Variants in STAT4 observed in about 807,000 individuals in gnomAD.
The protein encoded by STAT4 is signal transducer and activator of transcription 4.
Under a neutral mutation model 110.5 loss-of-function variants are expected in STAT4, and 42 were observed. The ratio of observed to expected loss-of-function variants is 0.38; its 90% confidence interval spans 0.30 to 0.49. STAT4 has a LOEUF of 0.49. Among genes scored for constraint, STAT4 ranks in the 20% least tolerant of loss-of-function variants. STAT4 has a pLI of 0.95. For missense variants in STAT4, 632 were observed against 887.9 expected (o/e 0.71, Z 3.66); for synonymous variants, 284 against 302.2 (o/e 0.94, Z 0.63).
rs1338390864 is a variant in STAT4 at position 191,142,230 on chromosome 2, C to T, written c.273+4383G>A. On this transcript the variant is annotated intron_variant, in intron 3 of 23. Transcript: ENST00000392320. This position sits in a 1 kb window ranked among gnomAD's most constrained non-coding sequence, Gnocchi z 4.1. Reference sequence around the variant, plus strand: ...TAAAGAAAATAGATATATATATATACACACACACACACATGCATACACACA... The same window carrying T: ...TAAAGAAAATAGATATATATATATATACACACACACACATGCATACACACA... Among the ~76,000 whole-genome samples, 1 of 151,904 alleles carries T rather than the reference C, an allele frequency of 6.6e-6. No individual in the cohort carries two copies. Among genetic ancestry groups the T allele is most frequent in the Non-Finnish European group, 1.5e-5 (1 of 67,980 alleles).
chr2:191,054,147 AG>A (rs1271055067), intron 14 of STAT4, among the ~76,000 whole-genome samples: 3 of 132,780 alleles, frequency 2.3e-5, no homozygotes, highest in African/African-American at 8.9e-5. Context: ...AAAAAAAGAA[AG>A]AAAAAAAAGA....
rs1236299507 is a variant in STAT4, at chr2:191,138,465, T to C, written c.273+8148A>G. On this transcript the variant is annotated intron_variant, in intron 3 of 23. Transcript: ENST00000392320. This position sits in a 1 kb window ranked among gnomAD's most constrained non-coding sequence, Gnocchi z 4.3. Reference sequence around the variant, plus strand: ...AGAAATACAAAAGATTAGCTAAGGCTATTATGAACACTTTTATGTGCACAA... The same window carrying C: ...AGAAATACAAAAGATTAGCTAAGGCCATTATGAACACTTTTATGTGCACAA... 6.6e-6 allele frequency among the ~76,000 whole-genome samples: 1 copy of C among 152,158 alleles called. No homozygotes were observed. The highest frequency in any genetic ancestry group is 1.5e-5 in the Non-Finnish European group (1 of 68,036).
chr2:191,105,525 T>C (rs1356118446), intron 3 of STAT4, among the ~76,000 whole-genome samples: 1 of 152,220 alleles, frequency 6.6e-6, no homozygotes, highest in African/African-American at 2.4e-5. Flanking sequence ...CATTATATTG[T>C]CTTTCAGAGT....
intron 3 of STAT4, chr2:191,131,665 A>C (rs1290458271): frequency 2.5e-6 from 2 of 811,422 alleles, no homozygotes; most frequent in East Asian, 3.4e-5. Flanking sequence ...CTTCAAAGGT[A>C]ATGGTAACAT....
Position 191,131,170 on chromosome 2 carries a change from T to C in STAT4, c.273+15443A>G, listed in dbSNP as rs904640706. Among the ~76,000 whole-genome samples the C allele has an allele frequency of 2.0e-5, 3 of 151,752 alleles. 1 individual carries two copies. The highest frequency in any genetic ancestry group is 4.9e-5 in the African/African-American group (2 of 41,046). On this transcript the variant is annotated intron_variant, in intron 3 of 23. Transcript: ENST00000392320. ...ACAATTTGGCATTATGTAATATAAT[T>C]AAAGATGTACATAGTGCATGATTCA...
At chr2:191,069,621 TG>T in intron 6 of STAT4, 71 bp downstream of exon 6, 1 of 1,158,130 alleles carries the variant, frequency 8.6e-7, no homozygotes, top group African/African-American at 1.6e-5. Flanking sequence ...TTATCCACTC[TG>T]TCAGTGAGAA....
At position 191,083,053 on chromosome 2, in the gene STAT4, T is replaced by C. The variant is rs1045467711; in HGVS notation, c.274-6728A>G. Among the ~76,000 whole-genome samples the C allele has an allele frequency of 3.9e-5, 6 of 152,178 alleles. No homozygotes were observed. Among genetic ancestry groups the C allele is most frequent in the Non-Finnish European group, 7.4e-5 (5 of 68,020 alleles). ...TAAAGGGAGAATTTTCTAGAGGGCC[T>C]GAAACAGGAGGCATTAGTGACCAAA... On this transcript the variant is annotated intron_variant, in intron 3 of 23. Transcript: ENST00000392320. The surrounding 1 kb of genome is among the most constrained non-coding windows in gnomAD (Gnocchi z 4.6).
intron 14 of STAT4, among the ~76,000 whole-genome samples, chr2:191,049,294 C>G (rs1229124169): frequency 1.3e-5 from 2 of 151,476 alleles, no homozygotes; most frequent in Non-Finnish European, 1.5e-5. Context: ...CTTGCCTCAG[C>G]CTCCTGAGTA....
chr2:191,031,377 T>C lies in STAT4; in HGVS notation c.2111+73A>G. 4 of 1,446,918 alleles carry C rather than the reference T, an allele frequency of 2.8e-6. No individual in the cohort carries two copies. Among genetic ancestry groups the C allele is most frequent in the Middle Eastern group, 1.8e-4 (1 of 5,620 alleles). The allele number at this position is 1,446,918 out of a possible 1,614,324, so 89.6% of individuals were successfully genotyped here. ...ATGCTTTGTTCTCAGTTATGTGTAC[T>C]CTGCTCTACCTTTAAATCTCCTATA... On this transcript the variant is annotated intron_variant, in intron 22 of 23. Transcript: ENST00000392320. The surrounding 1 kb of genome is among the most constrained non-coding windows in gnomAD (Gnocchi z 4.8).
At chr2:191,127,498 T>C (rs1235916558) in intron 3 of STAT4, among the ~76,000 whole-genome samples, 1 of 152,234 alleles carries the variant, frequency 6.6e-6, no homozygotes, top group African/African-American at 2.4e-5. Context: ...CACTACATCA[T>C]AAATATTCAT....
chr2:191,146,503 A>G lies in STAT4; in HGVS notation c.273+110T>C, dbSNP rs562515331. On this transcript the variant is annotated intron_variant, in intron 3 of 23. Transcript: ENST00000392320. This position sits in a 1 kb window ranked among gnomAD's most constrained non-coding sequence, Gnocchi z 4.5. ...AATTTGTAAGTGGTAAGACAACTCA[A>G]TTTTCCCCTAAATTTCATTTGAAAA... 1 of 1,084,886 alleles carries G rather than the reference A, an allele frequency of 9.2e-7. No individual in the cohort carries two copies. The highest frequency in any genetic ancestry group is 3.3e-4 in the Middle Eastern group (1 of 3,016). 67.2% of individuals were successfully genotyped at this position (1,084,886 alleles called of 1,614,324 possible).
At chr2:191,056,452 C>T (rs2125214024) in intron 13 of STAT4, among the ~76,000 whole-genome samples, 1 of 152,296 alleles carries the variant, frequency 6.6e-6, no homozygotes, top group East Asian at 1.9e-4. Context: ...CAAGGAACAT[C>T]CTATTTCCCC....
rs1215088891 is a variant in STAT4, at chr2:191,142,260, A to ATAGAATACT, written c.273+4344_273+4352dup. On this transcript the variant is annotated intron_variant, in intron 3 of 23. Transcript: ENST00000392320. The surrounding 1 kb of genome is among the most constrained non-coding windows in gnomAD (Gnocchi z 4.1). Reference sequence around the variant, plus strand: ...ACACACACATGCATACACACATATAATAGAATACTATTTGGCCATAAAAAG... The same window carrying ATAGAATACT: ...ACACACACATGCATACACACATATAATAGAATACTTAGAATACTATTTGGCCATAAAAAG... Among the ~76,000 whole-genome samples the ATAGAATACT allele has an allele frequency of 2.6e-5, 4 of 152,086 alleles. No homozygotes were observed. The highest frequency in any genetic ancestry group is 7.2e-5 in the African/African-American group (3 of 41,472).
At chr2:191,095,063 A>C (rs1697930019) in intron 3 of STAT4, among the ~76,000 whole-genome samples, 1 of 152,220 alleles carries the variant, frequency 6.6e-6, no homozygotes, top group South Asian at 2.1e-4. Flanking sequence ...ACTATCCTAA[A>C]CATATATGCA....
intron 8 of STAT4, among the ~76,000 whole-genome samples, chr2:191,064,070 G>A (rs1235190090): frequency 6.6e-6 from 1 of 152,168 alleles, no homozygotes; most frequent in East Asian, 1.9e-4. Context: ...GCAAAGGATA[G>A]TATCTACATT....
rs1405758156 is a variant in STAT4 at position 191,061,796 on chromosome 2, A to T, written c.967T>A (p.Cys323Ser). Residue 323 changes from cysteine to serine, a missense_variant, in exon 10 of 24, where the codon TGT becomes AGT. By Grantham distance (112) the Cys-to-Ser change is moderately radical (BLOSUM62 -1). Transcript: ENST00000392320. The surrounding 1 kb of genome is among the most constrained non-coding windows in gnomAD (Gnocchi z 6.2). ...KNSFVVERQP[C>S]MPTHPQRPLV... is the part of the protein sequence containing the mutation. Reference sequence around the variant, plus strand: ...GGCCTCTGAGGGTGGGTTGGCATACATGGCTGTCGCTCAACCACAAATGAG... The same window carrying T: ...GGCCTCTGAGGGTGGGTTGGCATACTTGGCTGTCGCTCAACCACAAATGAG... 6.2e-7 allele frequency: 1 copy of T among 1,612,730 alleles called. No homozygotes were observed. The highest frequency in any genetic ancestry group is 8.5e-7 in the Non-Finnish European group (1 of 1,179,646).
rs1243770931 is a variant in STAT4, at chr2:191,066,071, C to T, written c.630+359G>A. The stretch of plus-strand genomic sequence containing the variant: ...ATAAAATTTTAGTAGTCATCAAATA[C>T]TATATTAATTATATATGTGCAGTGG... On this transcript the variant is annotated intron_variant, in intron 7 of 23. Transcript: ENST00000392320. The surrounding 1 kb of genome is among the most constrained non-coding windows in gnomAD (Gnocchi z 4.3). 6.6e-6 allele frequency among the ~76,000 whole-genome samples: 1 copy of T among 152,068 alleles called. No individual in the cohort carries two copies. Among genetic ancestry groups the T allele is most frequent in the East Asian group, 1.9e-4 (1 of 5,200 alleles).
In STAT4 at chr2:191,033,207, TTTC is replaced by T. The variant is rs765478533; in HGVS notation, c.1853-61_1853-59del. The T allele has an allele frequency of 1.5e-4, 228 of 1,534,202 alleles. No individual in the cohort carries two copies. The highest frequency in any genetic ancestry group is 1.9e-4 in the Non-Finnish European group (216 of 1,130,222). ...TTCCTGTACACATTCCTTGTGACCA[TTTC>T]TTCCCTGCCCACATTATCTTCATGC... On this transcript the variant is annotated intron_variant, in intron 20 of 23. Coordinates refer to ENST00000392320, the MANE Select transcript of STAT4 (RefSeq NM_003151.4). This position sits in a 1 kb window ranked among gnomAD's most constrained non-coding sequence, Gnocchi z 6.9.
At chr2:191,118,589 AT>A (rs1264533700) in intron 3 of STAT4, among the ~76,000 whole-genome samples, 2 of 152,158 alleles carry the variant, frequency 1.3e-5, no homozygotes, top group Non-Finnish European at 2.9e-5. Context: ...AGATACTTCA[AT>A]TTATTTAATC....
Sources: gnomAD v4.1 joint callset for allele counts (sites outside exome capture counted in the v4.1 genomes callset) on GRCh38, gnomAD v4.1.1 for gene constraint, Gnocchi (gnomAD v3.1) non-coding constraint, MANE v1.5 for transcripts, NCBI Gene and HGNC (gene_info 2026-07-23, HGNC 2026-07-21) for gene names.